The following KLF8 variants were observed in gnomAD, a reference collection of about 807,000 sequenced individuals.
The protein encoded by KLF8 is KLF transcription factor 8.
In KLF8, 10 loss-of-function variants were observed where a neutral mutation model predicts 18.2. The ratio of observed to expected loss-of-function variants is 0.55; its 90% CI spans 0.34 to 0.93. The LOEUF is 0.93. KLF8 is among the 40% of genes least tolerant of loss of function. KLF8 has a pLI of 0.02. For synonymous variants in KLF8, 109 were observed against 97.3 expected (o/e 1.12, Z -0.71); for missense variants, 264 against 277.9 (o/e 0.95, Z 0.36).
At chrX:56,015,761 A>G in the KLF8 span, among the ~76,000 whole-genome samples, 1 of 111,664 alleles carries the variant, frequency 9.0e-6, no homozygotes, top group East Asian at 2.8e-4. Context: ...CTAGTGTACA[A>G]AAGGGCAGAA....
the KLF8 span, among the ~76,000 whole-genome samples, chrX:56,154,149 G>C: frequency 9.0e-6 from 1 of 111,212 alleles, no homozygotes; most frequent in Non-Finnish European, 1.9e-5. Flanking sequence ...AAAGAAAAAA[G>C]CTGGAGGCAT....
At chrX:55,941,573 G>T in the KLF8 span, among the ~76,000 whole-genome samples, 1 of 111,890 alleles carries the variant, frequency 8.9e-6, no homozygotes, top group Non-Finnish European at 1.9e-5. Context: ...CACCATCAGA[G>T]TGAACAGGCA....
the KLF8 span, among the ~76,000 whole-genome samples, chrX:56,047,321 T>C: frequency 9.1e-6 from 1 of 109,776 alleles, no homozygotes; most frequent in African/African-American, 3.3e-5. Flanking sequence ...AATGTGCAGG[T>C]TTGTTACATA....
At chrX:55,946,914 A>T in the KLF8 span, among the ~76,000 whole-genome samples, 1 of 112,031 alleles carries the variant, frequency 8.9e-6, no homozygotes, top group Non-Finnish European at 1.9e-5. Flanking sequence ...CATCAGAGAA[A>T]TGCAAATCAA....
At chrX:56,197,139 G>T in the KLF8 span, among the ~76,000 whole-genome samples, 39 of 111,588 alleles carry the variant, frequency 3.5e-4, no homozygotes, top group African/African-American at 1.2e-3. Flanking sequence ...ACAAGAGAAA[G>T]CAGGAAAGAT....
At chrX:56,018,621 A>G in the KLF8 span, among the ~76,000 whole-genome samples, 1 of 111,224 alleles carries the variant, frequency 9.0e-6, no homozygotes, top group Admixed American at 9.6e-5. Flanking sequence ...TTATTATATA[A>G]TACATGTTAA....
chrX:56,061,295 G>A, the KLF8 span, among the ~76,000 whole-genome samples: 2 of 111,699 alleles, frequency 1.8e-5, no homozygotes, highest in Non-Finnish European at 3.8e-5. Flanking sequence ...TTCTCCTGTG[G>A]ACATTTAGTG....
At chrX:56,053,741 G>T in the KLF8 span, among the ~76,000 whole-genome samples, 4 of 109,674 alleles carry the variant, frequency 3.6e-5, no homozygotes, top group Non-Finnish European at 7.6e-5. Flanking sequence ...TTGGGAGGGT[G>T]TATGTGTCCA....
In KLF8 at chrX:56,233,349, A is replaced by T; in HGVS notation, c.7+8A>T. The T allele has an allele frequency of 8.7e-7, 1 of 1,155,764 alleles. No individual in the cohort carries two copies. Among genetic ancestry groups the T allele is most frequent in the Non-Finnish European group, 1.2e-6 (1 of 845,389 alleles). ...CAGCTAGTGACATGGTCGGTAAGTG[A>T]CTCTGGGACTAATACCCACCCACTC... On this transcript the variant is annotated splice_region_variant and intron_variant, in intron 1 of 5. Coordinates refer to ENST00000468660, the MANE Select transcript of KLF8 (RefSeq NM_007250.5).
chrX:56,099,569 T>A, the KLF8 span, among the ~76,000 whole-genome samples: 4 of 112,020 alleles, frequency 3.6e-5, no homozygotes, highest in Non-Finnish European at 1.9e-5. Flanking sequence ...GCCTCTTGCA[T>A]TCAACAATTA....
chrX:55,939,242 C>T, the KLF8 span, among the ~76,000 whole-genome samples: 31 of 111,744 alleles, frequency 2.8e-4, 1 homozygote, highest in East Asian at 7.0e-3. Context: ...CTCTCAAGTA[C>T]ATGGAAACTG....
chrX:56,255,187 G>A (rs1368552864), intron 2 of KLF8, among the ~76,000 whole-genome samples: 1 of 112,471 alleles, frequency 8.9e-6, no homozygotes, highest in Non-Finnish European at 1.9e-5. Flanking sequence ...TTGTAAACAG[G>A]TTTACTTTTT....
At chrX:56,171,921 A>G in the KLF8 span, among the ~76,000 whole-genome samples, 2 of 111,240 alleles carry the variant, frequency 1.8e-5, no homozygotes, top group African/African-American at 6.5e-5. Context: ...TGGTATTTCT[A>G]GTTCTAGATC....
intron 1 of KLF8, among the ~76,000 whole-genome samples, chrX:56,247,704 A>G (rs976536108): frequency 2.7e-5 from 3 of 110,673 alleles, no homozygotes; most frequent in South Asian, 3.8e-4. Flanking sequence ...CTTCTACCTT[A>G]TATCTTGTCC....
At chrX:55,935,159 A>G in the KLF8 span, among the ~76,000 whole-genome samples, 1 of 112,643 alleles carries the variant, frequency 8.9e-6, no homozygotes, top group Admixed American at 9.4e-5. Flanking sequence ...GTGAATGTGT[A>G]GGGAACTATG....
rs910650258 is a variant in KLF8 at position 56,232,666 on chromosome X, T to A, written c.-669T>A. ...TCTATGATTCTACCAATCGTCGGCA[T>A]TTTTTTCCTCCCTTCTTTCTTTTTA... is the stretch of plus-strand genomic sequence containing the variant. On this transcript the variant is annotated 5_prime_UTR_variant, in exon 1 of 6. Coordinates refer to ENST00000468660, the MANE Select transcript of KLF8 (RefSeq NM_007250.5). The A allele has an allele frequency of 9.0e-6, 1 of 111,573 alleles. No homozygotes were observed. The highest frequency in any genetic ancestry group is 1.9e-5 in the Non-Finnish European group (1 of 53,130). 9.2% of individuals were successfully genotyped at this position (111,573 alleles called of 1,213,427 possible).
At chrX:56,124,466 T>C in the KLF8 span, among the ~76,000 whole-genome samples, 6 of 112,342 alleles carry the variant, frequency 5.3e-5, no homozygotes, top group Non-Finnish European at 1.1e-4. Flanking sequence ...CTATACTATG[T>C]CTCTACCTGA....
chrX:56,177,841 G>A, the KLF8 span, among the ~76,000 whole-genome samples: 1 of 111,942 alleles, frequency 8.9e-6, no homozygotes, highest in East Asian at 2.8e-4. Context: ...CTTGCAGTTT[G>A]ATCTCAGACT....
chrX:55,994,087 T>C, the KLF8 span, among the ~76,000 whole-genome samples: 1 of 109,701 alleles, frequency 9.1e-6, no homozygotes, highest in African/African-American at 3.3e-5. Flanking sequence ...ATTTTTTGTA[T>C]TTTTAGTAGA....
Sources: allele counts gnomAD v4.1 joint callset (sites outside exome capture counted in the v4.1 genomes callset), GRCh38; gene constraint gnomAD v4.1.1; transcripts MANE v1.5; gene names NCBI Gene and HGNC (gene_info 2026-07-23, HGNC 2026-07-21).